The following EXT1 variants were observed in gnomAD, a reference collection of about 807,000 sequenced individuals.
EXT1 encodes the protein exostosin glycosyltransferase 1.
In EXT1, 20 loss-of-function variants were observed where a neutral mutation model predicts 82.5. The observed-to-expected ratio is 0.24, with a 90% confidence interval of 0.17 to 0.35. The LOEUF (loss-of-function observed/expected upper bound fraction) is 0.35, where lower values mean the gene tolerates loss of function less well. Ranked by LOEUF, EXT1 falls within the 10% of genes least tolerant of loss-of-function variation. EXT1 has a pLI of 1.00. For missense variants in EXT1, 757 were observed against 936.5 expected, an observed-to-expected ratio of 0.81 and a Z score of 2.50; for synonymous variants, 348 against 350.8, an observed-to-expected ratio of 0.99 and a Z score of 0.09.
intron 1 of EXT1, among the ~76,000 whole-genome samples, chr8:117,916,299 T>C (rs1813747422): frequency 6.6e-6 from 1 of 152,148 alleles, no homozygotes; most frequent in Non-Finnish European, 1.5e-5. Context: ...ACCAGAGGTG[T>C]GTTAAAATCT....
chr8:118,056,481 C>T (rs17476854), intron 1 of EXT1, among the ~76,000 whole-genome samples: 8,076 of 152,224 alleles, frequency 0.053, 683 homozygotes, highest in African/African-American at 0.18. Context: ...CCCCCTACCC[C>T]GGCTTACATT....
chr8:117,994,247 G>A (rs946435725), intron 1 of EXT1, among the ~76,000 whole-genome samples: 1 of 152,152 alleles, frequency 6.6e-6, no homozygotes, highest in Non-Finnish European at 1.5e-5. Flanking sequence ...TATTGGGAGG[G>A]CTACTCTAGA....
chr8:118,096,485 G>A (rs1481331110), intron 1 of EXT1, among the ~76,000 whole-genome samples: 2 of 152,050 alleles, frequency 1.3e-5, no homozygotes, highest in African/African-American at 4.8e-5. Context: ...GCTGGATGTG[G>A]TGGTACTCAG....
At chr8:117,905,275 G>A (rs1813522077) in intron 1 of EXT1, among the ~76,000 whole-genome samples, 1 of 152,160 alleles carries the variant, frequency 6.6e-6, no homozygotes, top group Non-Finnish European at 1.5e-5. Context: ...GTATAATGGA[G>A]TAAAGAGTAA....
At chr8:118,093,506 TAAG>T (rs1295511684) in intron 1 of EXT1, among the ~76,000 whole-genome samples, 1 of 152,150 alleles carries the variant, frequency 6.6e-6, no homozygotes, top group Non-Finnish European at 1.5e-5. Context: ...CTGTAATGTA[TAAG>T]AAGAATTTAA....
At chr8:117,899,181 A>G (rs150178591) in intron 1 of EXT1, among the ~76,000 whole-genome samples, 1 of 152,366 alleles carries the variant, frequency 6.6e-6, no homozygotes, top group East Asian at 1.9e-4. Flanking sequence ...AATTTACATT[A>G]TCTGTCTAAA....
chr8:117,850,831 C>A (rs1252005614), intron 1 of EXT1, among the ~76,000 whole-genome samples: 1 of 152,158 alleles, frequency 6.6e-6, no homozygotes, highest in Non-Finnish European at 1.5e-5. Context: ...CTCAGGCAGC[C>A]TCAGGACCCT....
At chr8:118,089,110 A>C (rs1347518758) in intron 1 of EXT1, among the ~76,000 whole-genome samples, 1 of 152,202 alleles carries the variant, frequency 6.6e-6, no homozygotes, top group Non-Finnish European at 1.5e-5. Flanking sequence ...ACAGAAAAAA[A>C]GGCCTTAATA....
intron 1 of EXT1, among the ~76,000 whole-genome samples, chr8:117,966,384 G>C (rs1352886903): frequency 6.6e-6 from 1 of 152,166 alleles, no homozygotes; most frequent in East Asian, 1.9e-4. Context: ...CTCCTAAAGT[G>C]CTTTACATAC....
At chr8:117,850,635 C>T (rs1338303403) in intron 1 of EXT1, among the ~76,000 whole-genome samples, 1 of 152,144 alleles carries the variant, frequency 6.6e-6, no homozygotes, top group Non-Finnish European at 1.5e-5. Flanking sequence ...TTTCCAAAGC[C>T]AAGTCAGAGC....
At chr8:117,973,899 GA>G (rs1447546367) in intron 1 of EXT1, among the ~76,000 whole-genome samples, 2 of 126,226 alleles carry the variant, frequency 1.6e-5, no homozygotes, top group African/African-American at 6.4e-5. Context: ...GGAAAGGAAA[GA>G]AAAGGAAAGG....
intron 1 of EXT1, among the ~76,000 whole-genome samples, chr8:117,972,045 G>C (rs1814952007): frequency 6.6e-6 from 1 of 151,830 alleles, no homozygotes; most frequent in Non-Finnish European, 1.5e-5. Context: ...AGCTACTCAG[G>C]AGGCTAAGGC....
At chr8:118,047,494 G>A (rs1334247658) in intron 1 of EXT1, among the ~76,000 whole-genome samples, 1 of 152,082 alleles carries the variant, frequency 6.6e-6, no homozygotes, top group Non-Finnish European at 1.5e-5. Flanking sequence ...ATCATCAAAG[G>A]TACAGTGAGT....
At chr8:117,845,746 C>T (rs1382620018) in intron 1 of EXT1, among the ~76,000 whole-genome samples, 1 of 152,034 alleles carries the variant, frequency 6.6e-6, no homozygotes, top group Non-Finnish European at 1.5e-5. Flanking sequence ...AGCCACCATG[C>T]CTGGCCAGAT....
At chr8:118,061,995 G>A (rs1816888511) in intron 1 of EXT1, among the ~76,000 whole-genome samples, 1 of 152,044 alleles carries the variant, frequency 6.6e-6, no homozygotes, top group Non-Finnish European at 1.5e-5. Context: ...ATCTTGATAA[G>A]GAAAGAAATT....
At chr8:118,060,530 G>C (rs1249566094) in intron 1 of EXT1, among the ~76,000 whole-genome samples, 1 of 152,156 alleles carries the variant, frequency 6.6e-6, no homozygotes, top group Non-Finnish European at 1.5e-5. Flanking sequence ...CCACCAACTT[G>C]TACACTCTCA....
intron 2 of EXT1, 83 bp from the exon 3 acceptor site, chr8:117,835,634 C>A: frequency 9.9e-7 from 1 of 1,008,852 alleles, no homozygotes; most frequent in Non-Finnish European, 1.6e-6. Flanking sequence ...AGTACAAACT[C>A]AATGACTGGC....
intron 1 of EXT1, among the ~76,000 whole-genome samples, chr8:118,057,952 CAG>C (rs1298203317): frequency 7.6e-6 from 1 of 131,340 alleles, no homozygotes; most frequent in Non-Finnish European, 1.6e-5. Context: ...AGCCTGGCAA[CAG>C]AGTTAGACCC....
intron 1 of EXT1, among the ~76,000 whole-genome samples, chr8:117,962,580 C>G (rs999078313): frequency 6.6e-6 from 1 of 152,160 alleles, no homozygotes; most frequent in Admixed American, 6.5e-5. Context: ...GGTGAAACGC[C>G]CATCTCTACT....
Sources: allele counts gnomAD v4.1 joint callset (sites outside exome capture counted in the v4.1 genomes callset), GRCh38; gene constraint gnomAD v4.1.1; transcripts MANE v1.5; gene names NCBI Gene and HGNC (gene_info 2026-07-23, HGNC 2026-07-21).